The following LRRC9 variants were observed in gnomAD, a reference collection of about 807,000 sequenced individuals.
The protein encoded by LRRC9 is leucine rich repeat containing 9.
A neutral mutation model predicts 63.2 loss-of-function variants in LRRC9; 122 were observed. The ratio of observed to expected loss-of-function variants is 1.93; its 90% CI spans 1.67 to 2.24. The LOEUF (loss-of-function observed/expected upper bound fraction) is 2.24. LRRC9 is among the 30% of genes most tolerant of loss of function. The pLI, the probability that LRRC9 is intolerant of heterozygous loss-of-function variation, is 0.00. For missense variants in LRRC9, 1,071 were observed against 627.7 expected, an observed-to-expected ratio of 1.71 and a Z score of -7.55; for synonymous variants, 366 against 213.1, an observed-to-expected ratio of 1.72 and a Z score of -6.25.
chr14:59,922,293 A>T lies in LRRC9; in HGVS notation c.-34+2410A>T, dbSNP rs1888853113. On this transcript the variant is annotated intron_variant, in intron 1 of 31. Transcript: ENST00000445360. This position sits in a 1 kb window ranked among gnomAD's most constrained non-coding sequence, Gnocchi z 5.3. ...CGCTGTCTTTGGCCATTAGAAGGTT[A>T]TTTTTGACCTTGTAGTGGCTTGAGG... 6.6e-6 allele frequency among the ~76,000 whole-genome samples: 1 copy of T among 152,124 alleles called. No homozygotes were observed. Among genetic ancestry groups the T allele is most frequent in the Admixed American group, 6.5e-5 (1 of 15,276 alleles).
chr14:59,999,427 G>T (rs1021927416), intron 19 of LRRC9, among the ~76,000 whole-genome samples: 4 of 151,868 alleles, frequency 2.6e-5, no homozygotes, highest in African/African-American at 9.7e-5. Context: ...GGATTCTCTT[G>T]ACTATCCATG....
chr14:60,045,463 C>T (rs1893338993), intron 29 of LRRC9, among the ~76,000 whole-genome samples: 1 of 152,074 alleles, frequency 6.6e-6, no homozygotes, highest in Non-Finnish European at 1.5e-5. Context: ...GTGGGTTGTT[C>T]CCACTATGTG....
chr14:59,931,167 A>G (rs1326768995), intron 4 of LRRC9, 109 bp downstream of exon 4: 1 of 299,864 alleles, frequency 3.3e-6, no homozygotes, highest in Non-Finnish European at 6.1e-6. Flanking sequence ...ATTCTTGACT[A>G]GTACAATTAT....
In LRRC9 at chr14:59,927,481, T is replaced by TAG. The variant is rs913449215; in HGVS notation, c.-33-426_-33-425dup. On this transcript the variant is annotated intron_variant, in intron 1 of 31. Transcript: ENST00000445360. This position sits in a 1 kb window ranked among gnomAD's most constrained non-coding sequence, Gnocchi z 4.4. The stretch of plus-strand genomic sequence containing the variant: ...CTTCTCTTTGCAGTCTAGGTATACT[T>TAG]AGAGAACTGTGTTCACGTTTAGACA... Among the ~76,000 whole-genome samples, 1 of 152,066 alleles carries TAG rather than the reference T, an allele frequency of 6.6e-6. No individual in the cohort carries two copies. Among genetic ancestry groups the TAG allele is most frequent in the African/African-American group, 2.4e-5 (1 of 41,446 alleles).
intron 23 of LRRC9, among the ~76,000 whole-genome samples, chr14:60,010,842 T>C (rs563113699): frequency 6.6e-6 from 1 of 152,320 alleles, no homozygotes; most frequent in Non-Finnish European, 1.5e-5. Context: ...AACAAGTTCC[T>C]TGTCTCCATC....
chr14:60,032,051 G>A (rs1892032565), exon 29 of LRRC9: 2 of 699,672 alleles, frequency 2.9e-6, no homozygotes. Flanking sequence ...AGCTTACAGT[G>A]TATGGCAATC....
At chr14:60,033,389 T>C (rs1566893804) in intron 29 of LRRC9, among the ~76,000 whole-genome samples, 1 of 152,154 alleles carries the variant, frequency 6.6e-6, no homozygotes, top group African/African-American at 2.4e-5. Flanking sequence ...TTCAAAAGAA[T>C]GCTTTAAAGT....
chr14:59,998,695 A>G (rs562401207), intron 18 of LRRC9, among the ~76,000 whole-genome samples: 17 of 152,174 alleles, frequency 1.1e-4, no homozygotes, highest in Admixed American at 9.2e-4. Context: ...TTGCCAAAGC[A>G]TATTTCCTGG....
rs1566833553 is a variant in LRRC9, at chr14:59,975,114, TATATATATATATGTATATATATATAC to T, written c.1639+417_1639+442del. On this transcript the variant is annotated intron_variant, in intron 13 of 31. Coordinates refer to ENST00000445360, the Ensembl canonical transcript of LRRC9. ...GTATATATATATACATATATATATGTATATATATATATGTATATATATATACATATATATATGTATATATATATATG... is the reference window on the plus strand; with the variant it reads ...GTATATATATATACATATATATATGTATATATATATGTATATATATATATG... 0.031 allele frequency among the ~76,000 whole-genome samples: 387 copies of T among 12,446 alleles called. 87 individuals are homozygous for T. In the East Asian group the frequency reaches 0.41, roughly 13 times the overall value. 8.2% of individuals were successfully genotyped at this position (12,446 alleles called of 152,430 possible). A position where few individuals can be genotyped will look rare whatever the true frequency, so the allele number is the denominator to read the frequency against.
rs898913155 is a variant in LRRC9, at chr14:59,938,793, G to C, written c.726+221G>C. 6.7e-6 allele frequency among the ~76,000 whole-genome samples: 1 copy of C among 149,754 alleles called. No individual in the cohort carries two copies. The highest frequency in any genetic ancestry group is 2.4e-5 in the African/African-American group (1 of 40,844). On this transcript the variant is annotated intron_variant, in intron 7 of 31. Transcript: ENST00000445360. This position sits in a 1 kb window ranked among gnomAD's most constrained non-coding sequence, Gnocchi z 4.2. ...GACAGTACTGGAAGGTGAAATAATA[G>C]AATAATAATGTTTCTAATCTATACA...
chr14:60,014,343 C>G (rs1176511148), intron 23 of LRRC9, among the ~76,000 whole-genome samples: 3 of 151,954 alleles, frequency 2.0e-5, no homozygotes, highest in African/African-American at 7.2e-5. Context: ...TATTAATACT[C>G]TTTCCATTGT....
At chr14:60,038,084 G>A (rs1038334280) in intron 29 of LRRC9, among the ~76,000 whole-genome samples, 5 of 152,088 alleles carry the variant, frequency 3.3e-5, no homozygotes, top group Admixed American at 6.5e-5. Flanking sequence ...GTAGATGTGT[G>A]GTATTGTTTC....
rs911761107 is a variant in LRRC9 at position 60,016,724 on chromosome 14, C to T, written c.3251C>T (p.Ala1084Val). Residue 1084 changes from alanine to valine, a missense_variant, in exon 24 of 32, where the codon GCA (alanine) becomes GTA (valine). Coordinates refer to ENST00000445360, the Ensembl canonical transcript of LRRC9. ...GGTAGACTTACTTCTGACATGATTGCAGAACGACAAGGACATTCCAACTTC... is the reference window on the plus strand; with the variant it reads ...GGTAGACTTACTTCTGACATGATTGTAGAACGACAAGGACATTCCAACTTC... 8 of 701,068 alleles carry T rather than the reference C, an allele frequency of 1.1e-5. No individual in the cohort carries two copies. In the East Asian group the frequency reaches 1.9e-4, roughly 16 times the overall value. The allele number at this position is 701,068 out of a possible 1,614,324, so 43.4% of individuals were successfully genotyped here.
intron 12 of LRRC9, among the ~76,000 whole-genome samples, chr14:59,970,235 G>T (rs1360156946): frequency 6.6e-6 from 1 of 151,326 alleles, no homozygotes. Context: ...CTGTTCCTGT[G>T]TTAGTTTGCT....
In LRRC9 at chr14:60,003,923, A is replaced by G. The variant is rs1160665908; in HGVS notation, c.2842+125A>G. The G allele has an allele frequency of 3.9e-6, 2 of 510,380 alleles. No homozygotes were observed. Among genetic ancestry groups the G allele is most frequent in the African/African-American group, 3.9e-5 (2 of 50,694 alleles). The allele number at this position is 510,380 out of a possible 1,614,324, so 31.6% of individuals were successfully genotyped here. On this transcript the variant is annotated intron_variant, in intron 21 of 31. Coordinates refer to ENST00000445360, the Ensembl canonical transcript of LRRC9. The surrounding 1 kb of genome is among the most constrained non-coding windows in gnomAD (Gnocchi z 4.2). ...TAGGAAAGTTCCAAGTTTTTGTGGC[A>G]GGGTATTCTAAATACCTGTGTGAGG...
intron 17 of LRRC9, among the ~76,000 whole-genome samples, chr14:59,991,675 C>T (rs930352148): frequency 3.4e-4 from 52 of 151,986 alleles, no homozygotes; most frequent in African/African-American, 2.4e-4. Flanking sequence ...TTATATCCCG[C>T]GCATAGCTCG....
intron 23 of LRRC9, among the ~76,000 whole-genome samples, chr14:60,008,681 T>G (rs1890010618): frequency 6.6e-6 from 1 of 152,172 alleles, no homozygotes; most frequent in Non-Finnish European, 1.5e-5. Flanking sequence ...TAGGACTGAA[T>G]GTGAAAGCAA....
intron 17 of LRRC9, among the ~76,000 whole-genome samples, chr14:59,995,008 T>TAA (rs10676113): frequency 0.73 from 108,382 of 149,470 alleles, 41,947 homozygotes; most frequent in Non-Finnish European, 0.86. Flanking sequence ...GAAAGTATAA[T>TAA]AAAAAAAAAA....
At chr14:59,943,895 C>A (rs1002160062) in intron 7 of LRRC9, among the ~76,000 whole-genome samples, 1 of 151,912 alleles carries the variant, frequency 6.6e-6, no homozygotes, top group Admixed American at 6.6e-5. Context: ...GTAAACAAAA[C>A]CATGTCAGAT....
Sources: gnomAD v4.1 joint callset for allele counts (sites outside exome capture counted in the v4.1 genomes callset) on GRCh38, gnomAD v4.1.1 for gene constraint, Gnocchi (gnomAD v3.1) non-coding constraint, MANE v1.5 for transcripts, NCBI Gene and HGNC (gene_info 2026-07-23, HGNC 2026-07-21) for gene names.